Variants in CLSTN1 observed in about 807,000 individuals in gnomAD.
The protein encoded by CLSTN1 is calsyntenin 1, also known as calsyntenin-1.
A neutral mutation model predicts 108.3 loss-of-function variants in CLSTN1; 28 were observed. The observed-to-expected ratio is 0.26, with a 90% CI of 0.19 to 0.35. CLSTN1 has a LOEUF of 0.35. Among genes scored for constraint, CLSTN1 ranks in the 10% least tolerant of loss-of-function variants. The pLI is 1.00. For synonymous variants in CLSTN1, 524 were observed against 534.9 expected (o/e 0.98, Z 0.28); for missense variants, 1,157 against 1,302.6 (o/e 0.89, Z 1.72).
At chr1:9,820,429 G>A (rs1404024841) in intron 1 of CLSTN1, among the ~76,000 whole-genome samples, 1 of 152,098 alleles carries the variant, frequency 6.6e-6, no homozygotes, top group Non-Finnish European at 1.5e-5. Context: ...TGAGGCAGAA[G>A]AATCTCTTGA....
intron 1 of CLSTN1, among the ~76,000 whole-genome samples, chr1:9,801,378 G>A (rs1445023381): frequency 1.3e-5 from 2 of 152,120 alleles, no homozygotes; most frequent in African/African-American, 2.4e-5. Context: ...AATCTAAATA[G>A]ACCTGTATCT....
chr1:9,788,254 T>C (rs1429564848), intron 1 of CLSTN1, among the ~76,000 whole-genome samples: 3 of 150,546 alleles, frequency 2.0e-5, no homozygotes, highest in Admixed American at 6.8e-5. Context: ...AGACCCTGTC[T>C]CAAAAAAATA....
At chr1:9,808,760 C>A (rs1246381147) in intron 1 of CLSTN1, among the ~76,000 whole-genome samples, 1 of 152,082 alleles carries the variant, frequency 6.6e-6, no homozygotes, top group Non-Finnish European at 1.5e-5. Flanking sequence ...TGGTTGGCCA[C>A]TGCTGTGGGC....
Position 9,734,184 on chromosome 1 carries a change from G to A in CLSTN1, c.2111-42C>T, listed in dbSNP as rs368404439. The A allele has an allele frequency of 8.0e-5, 129 of 1,602,646 alleles. No individual in the cohort carries two copies. The highest frequency in any genetic ancestry group is 1.3e-4 in the Admixed American group (8 of 59,550). On this transcript the variant is annotated intron_variant, in intron 14 of 18. Transcript: ENST00000377298. This position sits in a 1 kb window ranked among gnomAD's most constrained non-coding sequence, Gnocchi z 4.8. ...ACCAGAAATATTAAGTAGGGGCAGT[G>A]GGGCCCAGCGTGGCGGGGCACACTG...
chr1:9,783,539 G>A lies in CLSTN1; in HGVS notation c.92-10145C>T, dbSNP rs149980406. Among the ~76,000 whole-genome samples the A allele has an allele frequency of 4.8e-3, 725 of 152,036 alleles. 3 individuals are homozygous for A. The highest frequency in any genetic ancestry group is 0.016 in the African/African-American group (653 of 41,468). ...GTTCGAGACCAGCTTGGCCAATGTG[G>A]TGAAACCCTGTTTCTACTAAAAACA... On this transcript the variant is annotated intron_variant, in intron 1 of 18. Coordinates refer to ENST00000377298, the MANE Select transcript of CLSTN1 (RefSeq NM_001009566.3).
chr1:9,741,015 A>AT, intron 10 of CLSTN1, 79 bp downstream of exon 10: 1 of 1,474,790 alleles, frequency 6.8e-7, no homozygotes, highest in Non-Finnish European at 9.3e-7. Flanking sequence ...TAGGATACCG[A>AT]TCACAGCCTG....
At chr1:9,748,593 T>A (rs1489205399) in intron 7 of CLSTN1, among the ~76,000 whole-genome samples, 1 of 152,218 alleles carries the variant, frequency 6.6e-6, no homozygotes, top group Admixed American at 6.5e-5. Context: ...GCTCAAGCGA[T>A]CCTCCTCCCT....
At chr1:9,753,689 C>T (rs891500031) in intron 4 of CLSTN1, among the ~76,000 whole-genome samples, 2 of 151,992 alleles carry the variant, frequency 1.3e-5, no homozygotes, top group Admixed American at 1.3e-4. Flanking sequence ...CAGGGTTTCT[C>T]CATGTTGGCC....
chr1:9,809,849 C>T (rs1237040625), intron 1 of CLSTN1, among the ~76,000 whole-genome samples: 1 of 149,992 alleles, frequency 6.7e-6, no homozygotes, highest in Non-Finnish European at 1.5e-5. Flanking sequence ...TGCAGTGAAC[C>T]GAGATCACAC....
intron 2 of CLSTN1, among the ~76,000 whole-genome samples, chr1:9,756,723 A>G (rs1428329262): frequency 6.6e-6 from 1 of 152,208 alleles, no homozygotes; most frequent in African/African-American, 2.4e-5. Flanking sequence ...TTCTGAAGTT[A>G]TTAATTTAGG....
At chr1:9,741,443 C>G (rs1650979006) in intron 9 of CLSTN1, among the ~76,000 whole-genome samples, 187 bp from the exon 10 acceptor site, 1 of 152,172 alleles carries the variant, frequency 6.6e-6, no homozygotes, top group Non-Finnish European at 1.5e-5. Context: ...CATTTCCAAA[C>G]TACGGGGGCT....
At chr1:9,764,862 T>C (rs981688415) in intron 2 of CLSTN1, among the ~76,000 whole-genome samples, 11 of 152,030 alleles carry the variant, frequency 7.2e-5, no homozygotes, top group African/African-American at 2.7e-4. Context: ...TTTTTTATCA[T>C]CTCTGGAAAA....
rs375187320 is a variant in CLSTN1, at chr1:9,743,964, G to A, written c.1276C>T (p.Arg426Trp). Residue 426 changes from arginine to tryptophan, a missense_variant, in exon 9 of 19, where the codon CGG becomes TGG. Coordinates refer to ENST00000377298, the MANE Select transcript of CLSTN1 (RefSeq NM_001009566.3). ...HHYSLYVHGC[R>W]LIFLFRQDPS... Reference sequence around the variant, plus strand: ...TCCTGACGGAAGAGGAAGATCAGCCGGCACCCGTGGACATAGAGGGAGTAG... The same window carrying A: ...TCCTGACGGAAGAGGAAGATCAGCCAGCACCCGTGGACATAGAGGGAGTAG... 7.2e-5 allele frequency: 116 copies of A among 1,614,014 alleles called. No individual in the cohort carries two copies. Among genetic ancestry groups the A allele is most frequent in the Middle Eastern group, 1.6e-4 (1 of 6,082 alleles).
At chr1:9,760,580 T>C (rs910964346) in intron 2 of CLSTN1, among the ~76,000 whole-genome samples, 6 of 151,834 alleles carry the variant, frequency 4.0e-5, no homozygotes, top group African/African-American at 1.5e-4. Context: ...ATTTAAGGGA[T>C]TTTTAGGGGA....
chr1:9,774,093 AGTG>A (rs1652824609), intron 1 of CLSTN1, among the ~76,000 whole-genome samples: 1 of 152,010 alleles, frequency 6.6e-6, no homozygotes, highest in Non-Finnish European at 1.5e-5. Flanking sequence ...GCTGGAATGT[AGTG>A]GTAGGATCTC....
chr1:9,794,526 C>G (rs1001109477), intron 1 of CLSTN1, among the ~76,000 whole-genome samples: 2 of 151,246 alleles, frequency 1.3e-5, no homozygotes, highest in African/African-American at 4.8e-5. Flanking sequence ...CCATGCTGGT[C>G]TCGAACTCCT....
chr1:9,815,040 C>T (rs1654916748), intron 1 of CLSTN1, among the ~76,000 whole-genome samples: 1 of 152,158 alleles, frequency 6.6e-6, no homozygotes, highest in Non-Finnish European at 1.5e-5. Context: ...GGTGGCTGTC[C>T]CCCAAACACT....
At chr1:9,732,011 G>T (rs559059520) in intron 16 of CLSTN1, 115 bp from the exon 17 acceptor site, 2 of 1,151,906 alleles carry the variant, frequency 1.7e-6, no homozygotes, top group Non-Finnish European at 2.5e-6. Flanking sequence ...CTCCTGGACC[G>T]CAGCTGGGGG....
intron 1 of CLSTN1, among the ~76,000 whole-genome samples, chr1:9,819,844 C>T (rs983974978): frequency 6.6e-6 from 1 of 152,058 alleles, no homozygotes; most frequent in African/African-American, 2.4e-5. Context: ...CGACTTTTTT[C>T]CACATCGTTA....
Sources: allele counts gnomAD v4.1 joint callset (sites outside exome capture counted in the v4.1 genomes callset), GRCh38; gene constraint gnomAD v4.1.1; non-coding constraint Gnocchi (gnomAD v3.1); transcripts MANE v1.5; gene names NCBI Gene and HGNC (gene_info 2026-07-23, HGNC 2026-07-21).